GALNT17: variants seen among roughly 807,000 people sequenced by gnomAD.
GALNT17 encodes the protein UDP-GalNAc:polypeptide N-acetylgalactosaminyltransferase-like 3.
GALNT17 carries 29 observed loss-of-function variants against 63.7 expected under a neutral mutation model. The ratio of observed to expected loss-of-function variants is 0.46; its 90% confidence interval spans 0.34 to 0.62. The LOEUF is 0.62. GALNT17 is among the 20% of genes least tolerant of loss of function. The pLI, the probability that GALNT17 is intolerant of heterozygous loss-of-function variation, is 0.01. For missense variants in GALNT17, 603 were observed against 799.6 expected (o/e 0.75, Z 2.97); for synonymous variants, 305 against 318.3 (o/e 0.96, Z 0.45).
Position 71,461,818 on chromosome 7 carries a change from G to T in GALNT17, c.962+40713G>T, listed in dbSNP as rs542133948. Among the ~76,000 whole-genome samples, 9 of 152,228 alleles carry T rather than the reference G, an allele frequency of 5.9e-5. No homozygotes were observed. The East Asian group carries it at 7.7e-4, about 13-fold the overall frequency. On this transcript the variant is annotated intron_variant, in intron 5 of 10. Coordinates refer to ENST00000333538, the MANE Select transcript of GALNT17 (RefSeq NM_022479.3). ...CTGCAGTGTCACTCCCAGCAGGTCG[G>T]CTCATCTTGGCGCTCTCGGCCACAG...
At chr7:71,373,089 T>C (rs1017122275) in intron 2 of GALNT17, among the ~76,000 whole-genome samples, 1 of 152,146 alleles carries the variant, frequency 6.6e-6, no homozygotes, top group East Asian at 1.9e-4. Context: ...ATAATGAGAT[T>C]ATATTGAGGA....
intron 1 of GALNT17, among the ~76,000 whole-genome samples, chr7:71,303,158 C>CA (rs2115891444): frequency 1.4e-5 from 1 of 71,694 alleles, no homozygotes; most frequent in Admixed American, 2.0e-4. Flanking sequence ...CCACTGCACC[C>CA]AGCCTTTTTT....
chr7:71,532,697 A>G (rs189569972), intron 5 of GALNT17, among the ~76,000 whole-genome samples: 234 of 152,324 alleles, frequency 1.5e-3, no homozygotes, highest in African/African-American at 5.0e-3. Flanking sequence ...TAGAGGCTAC[A>G]CTACGGGATC....
chr7:71,647,018 TTACAGGC>T (rs1430131842), intron 6 of GALNT17, among the ~76,000 whole-genome samples: 2 of 151,806 alleles, frequency 1.3e-5, no homozygotes, highest in Admixed American at 6.6e-5. Flanking sequence ...AGTGCTGGGA[TTACAGGC>T]TTGAGCCACC....
chr7:71,341,177 C>T lies in GALNT17; in HGVS notation c.422+5444C>T, dbSNP rs1252654772. Among the ~76,000 whole-genome samples, 3 of 152,062 alleles carry T rather than the reference C, an allele frequency of 2.0e-5. No homozygotes were observed. The East Asian group carries it at 5.8e-4, about 29-fold the overall frequency. On this transcript the variant is annotated intron_variant, in intron 2 of 10. Transcript: ENST00000333538. ...CCAGCTTGGGCAACATAGCAAGACC[C>T]TATCTCTTATAAAACAAAAATTAAA... is the stretch of plus-strand genomic sequence containing the variant.
chr7:71,163,567 G>A lies in GALNT17; in HGVS notation c.238+30527G>A, dbSNP rs1295220605. On this transcript the variant is annotated intron_variant, in intron 1 of 10. Transcript: ENST00000333538. ...TTTGGAGTCATAGTTACTTCTTTTGGAAAGAGCTTGTCTTGGAACCGTTTC... is the reference window on the plus strand; with the variant it reads ...TTTGGAGTCATAGTTACTTCTTTTGAAAAGAGCTTGTCTTGGAACCGTTTC... Among the ~76,000 whole-genome samples, 3 of 152,186 alleles carry A rather than the reference G, an allele frequency of 2.0e-5. No homozygotes were observed. In the East Asian group the frequency reaches 5.8e-4, roughly 29 times the overall value.
intron 1 of GALNT17, among the ~76,000 whole-genome samples, chr7:71,287,233 G>C (rs1790891494): frequency 6.6e-6 from 1 of 152,006 alleles, no homozygotes; most frequent in Non-Finnish European, 1.5e-5. Context: ...GAGACTACAG[G>C]CATTGTGCCA....
At chr7:71,480,343 G>A (rs527245141) in intron 5 of GALNT17, among the ~76,000 whole-genome samples, 27 of 150,986 alleles carry the variant, frequency 1.8e-4, no homozygotes, top group African/African-American at 5.6e-4. Flanking sequence ...TGCCCTCTGC[G>A]GACTCTTGCA....
chr7:71,273,835 G>T (rs868244712), intron 1 of GALNT17, among the ~76,000 whole-genome samples: 17 of 146,464 alleles, frequency 1.2e-4, no homozygotes, highest in African/African-American at 4.2e-4. Context: ...TCTCTAATGA[G>T]ATAATGTGTG....
intron 9 of GALNT17, among the ~76,000 whole-genome samples, chr7:71,709,721 C>A (rs987506823): frequency 6.6e-6 from 1 of 152,110 alleles, no homozygotes; most frequent in Admixed American, 6.5e-5. Flanking sequence ...GCCTCAGCCT[C>A]CTGAATAGCT....
chr7:71,409,798 G>A (rs1793398488), intron 3 of GALNT17, among the ~76,000 whole-genome samples: 1 of 152,216 alleles, frequency 6.6e-6, no homozygotes, highest in African/African-American at 2.4e-5. Flanking sequence ...GGGTAGCCAA[G>A]TGAGGAGACA....
intron 8 of GALNT17, among the ~76,000 whole-genome samples, chr7:71,672,508 A>C (rs909140393): frequency 6.6e-6 from 1 of 152,220 alleles, no homozygotes; most frequent in African/African-American, 2.4e-5. Flanking sequence ...CATATACCAC[A>C]AATGCTATAG....
intron 1 of GALNT17, among the ~76,000 whole-genome samples, chr7:71,281,171 T>C (rs1443382669): frequency 6.6e-6 from 1 of 152,124 alleles, no homozygotes; most frequent in Non-Finnish European, 1.5e-5. Context: ...CACAGTGTTA[T>C]TCAACAATGT....
At chr7:71,236,772 C>T (rs922749662) in intron 1 of GALNT17, among the ~76,000 whole-genome samples, 4 of 152,128 alleles carry the variant, frequency 2.6e-5, no homozygotes, top group Admixed American at 6.5e-5. Context: ...AGCACTTCTG[C>T]GGGGTGTTTA....
chr7:71,581,050 C>T (rs1030951816), intron 6 of GALNT17, among the ~76,000 whole-genome samples: 20 of 152,050 alleles, frequency 1.3e-4, no homozygotes, highest in Non-Finnish European at 2.9e-5. Flanking sequence ...GCTGGGGAGG[C>T]CTCAGGAAAC....
intron 6 of GALNT17, among the ~76,000 whole-genome samples, chr7:71,629,759 C>A (rs1042569279): frequency 6.6e-6 from 1 of 152,214 alleles, no homozygotes; most frequent in Admixed American, 6.5e-5. Context: ...GCTGGGACAG[C>A]AGGCACAAGC....
At chr7:71,143,800 G>C (rs1787962870) in intron 1 of GALNT17, among the ~76,000 whole-genome samples, 1 of 152,006 alleles carries the variant, frequency 6.6e-6, no homozygotes, top group Non-Finnish European at 1.5e-5. Flanking sequence ...AACACTTCGT[G>C]AGGCTAAGGT....
chr7:71,647,055 T>G (rs993577805), intron 6 of GALNT17, among the ~76,000 whole-genome samples: 8 of 150,162 alleles, frequency 5.3e-5, no homozygotes, highest in African/African-American at 1.7e-4. Context: ...CCAATTTTGC[T>G]ATTTTTATTT....
intron 5 of GALNT17, among the ~76,000 whole-genome samples, chr7:71,427,076 AT>A (rs1365984191): frequency 3.3e-5 from 5 of 150,042 alleles, no homozygotes; most frequent in Non-Finnish European, 7.4e-5. Context: ...ATAGCTTTTC[AT>A]TTACTCTTTT....
Sources: gnomAD v4.1 joint callset for allele counts (sites outside exome capture counted in the v4.1 genomes callset) on GRCh38, gnomAD v4.1.1 for gene constraint, MANE v1.5 for transcripts, NCBI Gene and HGNC (gene_info 2026-07-23, HGNC 2026-07-21) for gene names.